Variants in FMNL2 observed in about 807,000 individuals in gnomAD.
FMNL2 encodes the protein formin-like protein 2.
FMNL2 carries 51 observed loss-of-function variants against 130.2 expected under a neutral mutation model. The ratio of observed to expected loss-of-function variants is 0.39; its 90% CI spans 0.31 to 0.49. The LOEUF (loss-of-function observed/expected upper bound fraction) is 0.49, where lower values mean the gene tolerates loss of function less well. Among genes scored for constraint, FMNL2 ranks in the 20% least tolerant of loss-of-function variants. FMNL2 has a pLI of 0.85. For missense variants in FMNL2, 977 were observed against 1,316.2 expected (o/e 0.74, Z 3.99); for synonymous variants, 465 against 467.1 (o/e 1.00, Z 0.06).
chr2:152,547,221 G>C (rs1694695127), intron 3 of FMNL2, among the ~76,000 whole-genome samples: 1 of 152,126 alleles, frequency 6.6e-6, no homozygotes, highest in African/African-American at 2.4e-5. Context: ...GGGATTACAG[G>C]CGTGAGCCAC....
chr2:152,624,036 CT>C (rs1328358270), intron 15 of FMNL2, among the ~76,000 whole-genome samples: 7 of 68,180 alleles, frequency 1.0e-4, no homozygotes, highest in Non-Finnish European at 1.4e-4. Context: ...CATACAATTC[CT>C]TCCCTTCCCT....
chr2:152,468,700 C>T (rs1056938352), intron 1 of FMNL2, among the ~76,000 whole-genome samples: 4 of 152,240 alleles, frequency 2.6e-5, no homozygotes, highest in African/African-American at 9.6e-5. Flanking sequence ...TTTAATGTAG[C>T]TACTAGAAAA....
rs56378937 is a variant in FMNL2 at position 152,564,776 on chromosome 2, GTT to G, written c.596+3762_596+3763del. Among the ~76,000 whole-genome samples the G allele has an allele frequency of 2.3e-3, 181 of 79,344 alleles. 4 individuals carry two copies. The East Asian group carries it at 0.043, about 19-fold the overall frequency. 52.1% of individuals were successfully genotyped at this position (79,344 alleles called of 152,430 possible). On this transcript the variant is annotated intron_variant, in intron 6 of 25. Coordinates refer to ENST00000288670, the MANE Select transcript of FMNL2 (RefSeq NM_052905.4). Reference sequence around the variant, plus strand: ...CACTGCGTTCTAAAATACAAGGTTGGTTTTTTTTTTTTTTTTTTTTTTAACCA... The same window carrying G: ...CACTGCGTTCTAAAATACAAGGTTGGTTTTTTTTTTTTTTTTTTTTAACCA...
intron 15 of FMNL2, among the ~76,000 whole-genome samples, chr2:152,620,698 A>G (rs991362648): frequency 6.6e-6 from 1 of 152,116 alleles, no homozygotes; most frequent in Admixed American, 6.5e-5. Flanking sequence ...AAGATTTCCC[A>G]ATCTCCATCC....
Position 152,335,463 on chromosome 2 carries a change from C to A in FMNL2, c.-141C>A. 1 of 473,006 alleles carries A rather than the reference C, an allele frequency of 2.1e-6. No individual in the cohort carries two copies. The highest frequency in any genetic ancestry group is 3.4e-6 in the Non-Finnish European group (1 of 291,444). The allele number at this position is 473,006 out of a possible 1,614,324, so 29.3% of individuals were successfully genotyped here. A position where few individuals can be genotyped will look rare whatever the true frequency, so the allele number is the denominator to read the frequency against. On this transcript the variant is annotated 5_prime_UTR_variant, in exon 1 of 26. Coordinates refer to ENST00000288670, the MANE Select transcript of FMNL2 (RefSeq NM_052905.4). ...CGCTGCTAGGGAGCGGTGCGCGCCGCACACCCGCCTGGGCGCGGCGGAGGG... is the reference window on the plus strand; with the variant it reads ...CGCTGCTAGGGAGCGGTGCGCGCCGAACACCCGCCTGGGCGCGGCGGAGGG...
chr2:152,552,830 G>A (rs10497105), intron 4 of FMNL2, among the ~76,000 whole-genome samples: 82,433 of 152,030 alleles, frequency 0.54, 22,957 homozygotes, highest in Non-Finnish European at 0.61. Context: ...GGATTTAAAT[G>A]GTGGTGAGGG....
chr2:152,390,194 C>T, intron 1 of FMNL2: 1 of 1,361,924 alleles, frequency 7.3e-7, no homozygotes, highest in Non-Finnish European at 1.0e-6. Context: ...ACCTGGTGGT[C>T]CCTTTCCGTG....
intron 9 of FMNL2, among the ~76,000 whole-genome samples, chr2:152,586,686 A>G (rs1381315098): frequency 6.6e-6 from 1 of 152,216 alleles, no homozygotes; most frequent in Non-Finnish European, 1.5e-5. Context: ...TCATGGTATC[A>G]GGCCAGAATT....
At position 152,375,877 on chromosome 2, in the gene FMNL2, C is replaced by CTATATA. The variant is rs61564333; in HGVS notation, c.117+40172_117+40177dup. On this transcript the variant is annotated intron_variant, in intron 1 of 25. Coordinates refer to ENST00000288670, the MANE Select transcript of FMNL2 (RefSeq NM_052905.4). ...TCTCTCTCTCTCTCTCTCTCTCTCT[C>CTATATA]TATATATATATATATATATAATTAT... Among the ~76,000 whole-genome samples, 470 of 112,432 alleles carry CTATATA rather than the reference C, an allele frequency of 4.2e-3. 8 individuals carry two copies. The highest frequency in any genetic ancestry group is 9.3e-3 in the Middle Eastern group (2 of 216). 73.8% of individuals were successfully genotyped at this position (112,432 alleles called of 152,430 possible). A position where few individuals can be genotyped will look rare whatever the true frequency, so the allele number is the denominator to read the frequency against.
At chr2:152,416,956 A>G (rs542775626) in intron 1 of FMNL2, among the ~76,000 whole-genome samples, 8 of 152,206 alleles carry the variant, frequency 5.3e-5, no homozygotes, top group African/African-American at 9.6e-5. Context: ...TGTTTTCTAG[A>G]TTAGTGGACT....
Position 152,607,390 on chromosome 2 carries a change from G to T in FMNL2, c.928G>T (p.Glu310Ter). The change falls in exon 10 of 26, where the codon GAA (glutamate) becomes TAA (stop). Residue 310 changes from glutamate to a stop codon, truncating the protein, a stop_gained. Transcript: ENST00000288670. LOFTEE classifies it high-confidence loss of function. ...GAAGTTGATGGAACATTTCAGGAAT[G>T]AAGACAATAACATAGATTTTATGGT... ...FEKLMEHFRN[E>*]DNNIDFMVAS... 1 of 1,612,804 alleles carries T rather than the reference G, an allele frequency of 6.2e-7. No homozygotes were observed.
intron 3 of FMNL2, among the ~76,000 whole-genome samples, chr2:152,545,714 C>T (rs1025303833): frequency 6.6e-6 from 1 of 152,202 alleles, no homozygotes; most frequent in Non-Finnish European, 1.5e-5. Context: ...ATAGTACAGA[C>T]TGCTCATGGA....
intron 3 of FMNL2, among the ~76,000 whole-genome samples, chr2:152,546,728 C>T (rs1545134): frequency 0.27 from 41,418 of 151,870 alleles, 6,088 homozygotes; most frequent in East Asian, 0.37. Context: ...AGTGGCCACA[C>T]TGAGCAGCCA....
intron 1 of FMNL2, among the ~76,000 whole-genome samples, chr2:152,383,240 GA>G (rs2105902440): frequency 6.9e-6 from 1 of 144,858 alleles, no homozygotes; most frequent in Admixed American, 6.9e-5. Flanking sequence ...GAATCTAGTG[GA>G]AACTTTTTAG....
intron 1 of FMNL2, among the ~76,000 whole-genome samples, chr2:152,452,831 A>T (rs1462339766): frequency 1.4e-5 from 2 of 141,636 alleles, no homozygotes; most frequent in East Asian, 3.9e-4. Context: ...CCATGGAAGC[A>T]GCAGTGTTTG....
intron 9 of FMNL2, among the ~76,000 whole-genome samples, chr2:152,596,129 A>AT (rs11360283): frequency 9.3e-4 from 137 of 147,964 alleles, no homozygotes; most frequent in African/African-American, 2.8e-3. Flanking sequence ...CGCCTGGGTG[A>AT]TTTTTTTTTT....
chr2:152,559,677 C>T (rs759102748), intron 5 of FMNL2, among the ~76,000 whole-genome samples: 18 of 152,178 alleles, frequency 1.2e-4, no homozygotes, highest in Non-Finnish European at 2.1e-4. Context: ...GAGGAACACA[C>T]GCTGAATGGC....
At chr2:152,586,310 A>G (rs1697073234) in intron 9 of FMNL2, among the ~76,000 whole-genome samples, 1 of 152,188 alleles carries the variant, frequency 6.6e-6, no homozygotes, top group African/African-American at 2.4e-5. Context: ...GCCTGTTGCT[A>G]GAAGGCTTCC....
rs1260282673 is a variant in FMNL2, at chr2:152,538,152, A to G, written c.202-4587A>G. Among the ~76,000 whole-genome samples, 4 of 152,252 alleles carry G rather than the reference A, an allele frequency of 2.6e-5. No individual in the cohort carries two copies. The East Asian group carries it at 5.8e-4, about 22-fold the overall frequency. ...AAAAGATATTTGAAGAATCATCTAC[A>G]TGATGGATTGCACGTAGCTGCTAAA... On this transcript the variant is annotated intron_variant, in intron 2 of 25. Coordinates refer to ENST00000288670, the MANE Select transcript of FMNL2 (RefSeq NM_052905.4).
Sources: allele counts gnomAD v4.1 joint callset (sites outside exome capture counted in the v4.1 genomes callset), GRCh38; gene constraint gnomAD v4.1.1; transcripts MANE v1.5; gene names NCBI Gene and HGNC (gene_info 2026-07-23, HGNC 2026-07-21).